Variants in NR3C1 observed in about 807,000 individuals in gnomAD.
NR3C1 encodes the protein nuclear receptor subfamily 3 group C member 1, also known as glucocorticoid receptor.
A neutral mutation model predicts 74.0 loss-of-function variants in NR3C1; 14 were observed. That is an observed-to-expected ratio of 0.19 (90% CI 0.12 to 0.30). NR3C1 has a LOEUF of 0.30. Among genes scored for constraint, NR3C1 ranks in the 10% least tolerant of loss-of-function variants. NR3C1 has a pLI of 1.00. For synonymous variants in NR3C1, 308 were observed against 332.5 expected (o/e 0.93, Z 0.80); for missense variants, 695 against 909.8 (o/e 0.76, Z 3.04).
intron 6 of NR3C1, among the ~76,000 whole-genome samples, chr5:143,295,946 G>T (rs984516426): frequency 2.6e-5 from 4 of 152,068 alleles, no homozygotes; most frequent in African/African-American, 9.7e-5. Flanking sequence ...TCAATTAGAC[G>T]ACAGTTTTAG....
rs549549815 is a variant in NR3C1 at position 143,313,918 on chromosome 5, T to C, written c.1351+84A>G. ...ACTGATATTTAGCCTTTCATGGGCT[T>C]TGCATATAATGGAAATTTCAAAATC... On this transcript the variant is annotated intron_variant, in intron 3 of 8. Transcript: ENST00000394464. The C allele has an allele frequency of 3.4e-6, 5 of 1,454,416 alleles. No homozygotes were observed. The East Asian group carries it at 1.1e-4, about 33-fold the overall frequency. The allele number at this position is 1,454,416 out of a possible 1,614,324, so 90.1% of individuals were successfully genotyped here.
intron 1 of NR3C1, among the ~76,000 whole-genome samples, chr5:143,417,415 A>G (rs545443446): frequency 6.6e-6 from 1 of 152,244 alleles, no homozygotes; most frequent in Admixed American, 6.5e-5. Flanking sequence ...TTATTTACTT[A>G]TTAGGAGCTT....
At chr5:143,402,626 C>T in intron 1 of NR3C1, 1 of 985,480 alleles carries the variant, frequency 1.0e-6, no homozygotes, top group Non-Finnish European at 1.2e-6. Context: ...CTCCGACACG[C>T]CCACTTCTAA....
At chr5:143,351,431 A>G (rs1227619486) in intron 2 of NR3C1, among the ~76,000 whole-genome samples, 1 of 152,222 alleles carries the variant, frequency 6.6e-6, no homozygotes, top group African/African-American at 2.4e-5. Context: ...AGCCATTCAA[A>G]GAGTCAGGAT....
In NR3C1 at chr5:143,300,462, C is replaced by T. The variant is rs748884440; in HGVS notation, c.1747+23G>A. ...GAAAACACAAAGGTTTATATAGTTG[C>T]TCTTTTATGTTTTGCATCTTACCTG... On this transcript the variant is annotated intron_variant, in intron 5 of 8. Coordinates refer to ENST00000394464, the MANE Select transcript of NR3C1 (RefSeq NM_000176.3). This position sits in a 1 kb window ranked among gnomAD's most constrained non-coding sequence, Gnocchi z 5.2. 2 of 1,614,024 alleles carry T rather than the reference C, an allele frequency of 1.2e-6. No homozygotes were observed. Among genetic ancestry groups the T allele is most frequent in the South Asian group, 2.2e-5 (2 of 91,082 alleles).
intron 5 of NR3C1, among the ~76,000 whole-genome samples, chr5:143,299,170 T>C (rs542781695): frequency 6.6e-6 from 1 of 152,024 alleles, no homozygotes; most frequent in East Asian, 1.9e-4. Flanking sequence ...CATACCACCA[T>C]GCCCGGCTAA....
intron 1 of NR3C1, chr5:143,402,942 T>A (rs1840612245): frequency 1.3e-6 from 1 of 768,538 alleles, no homozygotes; most frequent in African/African-American, 1.9e-5. Context: ...CCCCGGCAGT[T>A]CGACAGGGCT....
chr5:143,311,115 A>T (rs1820852705), intron 3 of NR3C1, among the ~76,000 whole-genome samples: 2 of 152,192 alleles, frequency 1.3e-5, no homozygotes, highest in South Asian at 4.1e-4. Flanking sequence ...CAGCTGTTTC[A>T]ATTTCTTTTT....
Position 143,403,503 on chromosome 5 carries a change from G to A in NR3C1, c.-306C>T. 1.0e-6 allele frequency: 1 copy of A among 985,318 alleles called. No individual in the cohort carries two copies. The highest frequency in any genetic ancestry group is 1.2e-6 in the Non-Finnish European group (1 of 829,974). The allele number at this position is 985,318 out of a possible 1,614,324, so 61.0% of individuals were successfully genotyped here. A position where few individuals can be genotyped will look rare whatever the true frequency, so the allele number is the denominator to read the frequency against. On this transcript the variant is annotated 5_prime_UTR_variant, in exon 1 of 9. Transcript: ENST00000394464. ...CCCAGCTGCTTCGGCCGCTCCGGCTGCGGCGTCTCCTTCCACCCACAGAAT... is the reference window on the plus strand; with the variant it reads ...CCCAGCTGCTTCGGCCGCTCCGGCTACGGCGTCTCCTTCCACCCACAGAAT...
At chr5:143,329,232 GGGGAAAC>G (rs1195179595) in intron 2 of NR3C1, among the ~76,000 whole-genome samples, 2 of 152,086 alleles carry the variant, frequency 1.3e-5, no homozygotes, top group Admixed American at 6.6e-5. Context: ...AGAAAGCACA[GGGGAAAC>G]TGCCATATTT....
chr5:143,387,851 C>A lies in NR3C1; in HGVS notation c.1184+11805G>T, dbSNP rs150843936. Among the ~76,000 whole-genome samples the A allele has an allele frequency of 6.3e-4, 96 of 152,246 alleles. 1 individual carries two copies. The East Asian group carries it at 0.017, about 27-fold the overall frequency. ...ATTCAGGCAAAAATAAAACACCCCTCCTCTCTTAAGGTACTCAGTGATTAC... is the reference window on the plus strand; with the variant it reads ...ATTCAGGCAAAAATAAAACACCCCTACTCTCTTAAGGTACTCAGTGATTAC... On this transcript the variant is annotated intron_variant, in intron 2 of 8. Transcript: ENST00000394464.
chr5:143,373,132 G>A (rs1399110004), intron 2 of NR3C1, among the ~76,000 whole-genome samples: 1 of 152,070 alleles, frequency 6.6e-6, no homozygotes, highest in Non-Finnish European at 1.5e-5. Flanking sequence ...CACTTCTAAC[G>A]CTCCTTGGAA....
chr5:143,351,570 G>A (rs911619437), intron 2 of NR3C1, among the ~76,000 whole-genome samples: 1 of 152,018 alleles, frequency 6.6e-6, no homozygotes, highest in Non-Finnish European at 1.5e-5. Flanking sequence ...ATAAAACACA[G>A]ACAATTGTCC....
intron 2 of NR3C1, among the ~76,000 whole-genome samples, chr5:143,388,808 T>C (rs1479346966): frequency 3.9e-5 from 6 of 152,208 alleles, no homozygotes; most frequent in South Asian, 2.1e-4. Context: ...GAAAAAAATA[T>C]CTTGCAACTA....
chr5:143,365,437 T>A (rs944334705), intron 2 of NR3C1, among the ~76,000 whole-genome samples: 1 of 152,216 alleles, frequency 6.6e-6, no homozygotes, highest in Non-Finnish European at 1.5e-5. Flanking sequence ...TAGGGCACTG[T>A]ATAATGATAA....
At chr5:143,350,140 G>A (rs1313975311) in intron 2 of NR3C1, among the ~76,000 whole-genome samples, 2 of 152,142 alleles carry the variant, frequency 1.3e-5, no homozygotes, top group African/African-American at 4.8e-5. Context: ...CCCTTAGACT[G>A]TACTCAGGAC....
intron 2 of NR3C1, among the ~76,000 whole-genome samples, chr5:143,367,539 A>G (rs1167578212): frequency 6.6e-6 from 1 of 152,236 alleles, no homozygotes; most frequent in Non-Finnish European, 1.5e-5. Context: ...TATGCTAATC[A>G]ATGATTTCAG....
chr5:143,346,192 A>G (rs1329105108), intron 2 of NR3C1, among the ~76,000 whole-genome samples: 3 of 152,244 alleles, frequency 2.0e-5, no homozygotes, highest in Non-Finnish European at 4.4e-5. Context: ...GATGATATCT[A>G]CTTGCTCAAG....
Position 143,400,796 on chromosome 5 carries a change from G to C in NR3C1, c.44C>G (p.Pro15Arg). The C allele has an allele frequency of 6.2e-7, 1 of 1,614,052 alleles. No homozygotes were observed. The highest frequency in any genetic ancestry group is 8.5e-7 in the Non-Finnish European group (1 of 1,180,022). The change falls in exon 2 of 9, where the codon CCC becomes CGC. Residue 15 changes from proline to arginine, a missense_variant. Coordinates refer to ENST00000394464, the MANE Select transcript of NR3C1 (RefSeq NM_000176.3). ...ESLTPGREEN[P>R]SSVLAQERGD... ...CCTCTCCTGAGCAAGCACACTGCTG[G>C]GGTTTTCTTCTCTACCAGGAGTTAA...
Sources: gnomAD v4.1 joint callset for allele counts (sites outside exome capture counted in the v4.1 genomes callset) on GRCh38, gnomAD v4.1.1 for gene constraint, Gnocchi (gnomAD v3.1) non-coding constraint, MANE v1.5 for transcripts, NCBI Gene and HGNC (gene_info 2026-07-23, HGNC 2026-07-21) for gene names.